Variants in PDE1C observed in about 807,000 individuals in gnomAD.
The protein encoded by PDE1C is dual specificity calcium/calmodulin-dependent 3',5'-cyclic nucleotide phosphodiesterase 1C.
Under a neutral mutation model 93.1 loss-of-function variants are expected in PDE1C, and 62 were observed. That is an observed-to-expected ratio of 0.67 (90% CI 0.54 to 0.82). The LOEUF (loss-of-function observed/expected upper bound fraction) is 0.82. Ranked by LOEUF, PDE1C falls within the 40% of genes least tolerant of loss-of-function variation. The pLI is 0.00. For missense variants in PDE1C, 742 were observed against 884.6 expected, an observed-to-expected ratio of 0.84 and a Z score of 2.04; for synonymous variants, 325 against 310.1, an observed-to-expected ratio of 1.05 and a Z score of -0.50.
intron 2 of PDE1C, among the ~76,000 whole-genome samples, chr7:32,004,513 G>A (rs566035534): frequency 3.9e-5 from 6 of 152,196 alleles, no homozygotes; most frequent in Non-Finnish European, 8.8e-5. Flanking sequence ...TAGTCCAAGT[G>A]AGTCCTGGGG....
intron 3 of PDE1C, among the ~76,000 whole-genome samples, chr7:32,147,807 T>C (rs1800988815): frequency 6.6e-6 from 1 of 151,732 alleles, no homozygotes; most frequent in African/African-American, 2.4e-5. Context: ...GGATCTGGGT[T>C]TGAAAGGGCC....
At chr7:32,298,624 A>C (rs1812780714) in intron 1 of PDE1C, 1 of 1,584,068 alleles carries the variant, frequency 6.3e-7, no homozygotes, top group African/African-American at 1.3e-5. Flanking sequence ...CCGAGCCAGG[A>C]GTCCGAGAGG....
At chr7:31,880,720 T>G (rs779591286) in intron 3 of PDE1C, 27 bp downstream of exon 3, 1 of 1,356,774 alleles carries the variant, frequency 7.4e-7, no homozygotes. Flanking sequence ...ATCACTATAC[T>G]AATCTCTTTT....
At chr7:32,155,544 G>A (rs916608235) in intron 3 of PDE1C, among the ~76,000 whole-genome samples, 6 of 152,284 alleles carry the variant, frequency 3.9e-5, no homozygotes, top group South Asian at 4.1e-4. Context: ...CCCAGTGAAC[G>A]TGGCTGATTA....
chr7:31,728,180 C>A, the PDE1C span, among the ~76,000 whole-genome samples: 1 of 152,224 alleles, frequency 6.6e-6, no homozygotes, highest in Non-Finnish European at 1.5e-5. Context: ...CCATCTTGCA[C>A]TCAAGTCTCT....
chr7:31,898,503 T>C (rs1454741977), intron 2 of PDE1C, among the ~76,000 whole-genome samples: 1 of 152,184 alleles, frequency 6.6e-6, no homozygotes, highest in Non-Finnish European at 1.5e-5. Context: ...AATATACATA[T>C]CATAATTTAT....
the PDE1C span, among the ~76,000 whole-genome samples, chr7:31,650,756 C>T: frequency 0.011 from 1,606 of 152,278 alleles, 11 homozygotes; most frequent in Middle Eastern, 0.024. Flanking sequence ...CAGAGTGAGG[C>T]AGTACCCAGC....
the PDE1C span, among the ~76,000 whole-genome samples, chr7:31,669,212 G>T: frequency 3.3e-5 from 5 of 152,142 alleles, no homozygotes; most frequent in African/African-American, 9.7e-5. Context: ...AGCAATTTGG[G>T]TAAGACTCAG....
At chr7:32,251,277 C>T (rs1464465371) in intron 1 of PDE1C, among the ~76,000 whole-genome samples, 3 of 152,280 alleles carry the variant, frequency 2.0e-5, no homozygotes, top group South Asian at 2.1e-4. Context: ...GGACTAGGCC[C>T]GTCATGTCCT....
chr7:31,949,344 C>A (rs909650128), intron 2 of PDE1C, among the ~76,000 whole-genome samples: 2 of 152,102 alleles, frequency 1.3e-5, no homozygotes, highest in Admixed American at 1.3e-4. Context: ...CCTGTAATCC[C>A]AGCTGCTCGG....
At chr7:31,964,469 T>A (rs776158537) in intron 2 of PDE1C, among the ~76,000 whole-genome samples, 1 of 152,204 alleles carries the variant, frequency 6.6e-6, no homozygotes, top group East Asian at 1.9e-4. Flanking sequence ...AAGCTCAAAC[T>A]GGGTGGAGAC....
chr7:31,766,752 G>A (rs10264322), intron 17 of PDE1C, among the ~76,000 whole-genome samples: 47,431 of 152,062 alleles, frequency 0.31, 7,629 homozygotes, highest in Admixed American at 0.37. Flanking sequence ...TTACTTGCTC[G>A]ACATTATGCT....
At chr7:31,680,861 G>A in the PDE1C span, among the ~76,000 whole-genome samples, 7,016 of 152,222 alleles carry the variant, frequency 0.046, 517 homozygotes, top group African/African-American at 0.16. Flanking sequence ...GTGGGACAAA[G>A]GATAGGGTAA....
chr7:32,096,863 A>G (rs1031915145), intron 3 of PDE1C, among the ~76,000 whole-genome samples: 1 of 135,156 alleles, frequency 7.4e-6, no homozygotes, highest in African/African-American at 2.7e-5. Context: ...AGATAGATAG[A>G]CAGACAGATC....
intron 3 of PDE1C, among the ~76,000 whole-genome samples, chr7:32,125,970 C>T (rs1799554447): frequency 6.6e-6 from 1 of 152,074 alleles, no homozygotes; most frequent in Admixed American, 6.6e-5. Context: ...TATAGGTAAA[C>T]TTAATAGATG....
At chr7:31,780,007 A>G (rs1783285599) in intron 16 of PDE1C, among the ~76,000 whole-genome samples, 2 of 152,290 alleles carry the variant, frequency 1.3e-5, no homozygotes, top group African/African-American at 4.8e-5. Flanking sequence ...CACCCACCAC[A>G]TGGAACTGGT....
chr7:32,119,506 A>G (rs1473409286), intron 3 of PDE1C, among the ~76,000 whole-genome samples: 1 of 152,202 alleles, frequency 6.6e-6, no homozygotes, highest in Non-Finnish European at 1.5e-5. Context: ...ATGAGAGATG[A>G]CCGACTAGAA....
chr7:32,058,655 A>T (rs1469162827), intron 1 of PDE1C, among the ~76,000 whole-genome samples: 1 of 152,226 alleles, frequency 6.6e-6, no homozygotes, highest in Non-Finnish European at 1.5e-5. Context: ...CAGTGATTTC[A>T]TTTCCATGAT....
chr7:32,379,264 T>C (rs190609604), intron 1 of PDE1C, among the ~76,000 whole-genome samples: 2 of 152,336 alleles, frequency 1.3e-5, no homozygotes, highest in African/African-American at 4.8e-5. Context: ...AACATCCTGT[T>C]TGAGGGCAAT....
Sources: gnomAD v4.1 joint callset for allele counts (sites outside exome capture counted in the v4.1 genomes callset) on GRCh38, gnomAD v4.1.1 for gene constraint, MANE v1.5 for transcripts, NCBI Gene and HGNC (gene_info 2026-07-23, HGNC 2026-07-21) for gene names.